Variants in CD1A observed in about 807,000 individuals in gnomAD.
The protein encoded by CD1A is T-cell surface glycoprotein CD1a.
CD1A carries 50 observed loss-of-function variants against 38.3 expected under a neutral mutation model. The observed-to-expected ratio is 1.30, with a 90% CI of 1.04 to 1.65. The LOEUF (loss-of-function observed/expected upper bound fraction) is 1.65. Among genes scored for constraint, CD1A ranks in the 40% most tolerant of loss-of-function variants. The probability of loss-of-function intolerance (pLI) is 0.00; values close to 1 mark genes in which losing one functional copy is unlikely to be tolerated. For synonymous variants in CD1A, 160 were observed against 150.8 expected, an observed-to-expected ratio of 1.06 and a Z score of -0.45; for missense variants, 459 against 406.1, an observed-to-expected ratio of 1.13 and a Z score of -1.12.
chr1:158,252,271 G>A (rs1023704658), upstream of CD1A, among the ~76,000 whole-genome samples: 11 of 152,020 alleles, frequency 7.2e-5, no homozygotes, highest in Admixed American at 5.9e-4. Context: ...TGACCCTAAT[G>A]TTTCAGAAGA....
At chr1:158,249,753 G>C (rs1389777738), upstream of CD1A, among the ~76,000 whole-genome samples, 1 of 152,102 alleles carries the variant, frequency 6.6e-6, no homozygotes, top group Non-Finnish European at 1.5e-5. Context: ...TGTACCCCTT[G>C]GGCACAGGGA....
At position 158,256,800 on chromosome 1, in the gene CD1A, T is replaced by C. The variant is rs1017322289; in HGVS notation, c.619T>C (p.Trp207Arg). 1.2e-6 allele frequency: 2 copies of C among 1,614,112 alleles called. No homozygotes were observed. The highest frequency in any genetic ancestry group is 1.7e-6 in the Non-Finnish European group (2 of 1,179,950). ...HLQRQVKPEA[W>R]LSHGPSPGPG... ...GTCCTTTGCAGTGAAGCCCGAGGCC[T>C]GGCTGTCCCATGGCCCCAGTCCTGG... Residue 207 changes from tryptophan (W) to arginine (R), a missense_variant, in exon 4 of 6, where the codon TGG becomes CGG. Physicochemically the swap from Trp to Arg is moderately radical, Grantham distance 101. Coordinates refer to ENST00000289429, the MANE Select transcript of CD1A (RefSeq NM_001763.3).
At position 158,254,741 on chromosome 1, in the gene CD1A, C is replaced by T. The variant is rs766582031; in HGVS notation, c.58+14C>T. On this transcript the variant is annotated intron_variant, in intron 1 of 5. Coordinates refer to ENST00000289429, the MANE Select transcript of CD1A (RefSeq NM_001763.3). Reference sequence around the variant, plus strand: ...GCAATGCAGACGGTAAGAACTCTGACAACTGCCCAGTTGGGTGGTGGGTGA... The same window carrying T: ...GCAATGCAGACGGTAAGAACTCTGATAACTGCCCAGTTGGGTGGTGGGTGA... The T allele has an allele frequency of 1.3e-6, 2 of 1,581,448 alleles. No individual in the cohort carries two copies. Among genetic ancestry groups the T allele is most frequent in the Non-Finnish European group, 1.7e-6 (2 of 1,150,530 alleles).
At chr1:158,248,732 C>A in the CD1A span, among the ~76,000 whole-genome samples, 1 of 152,104 alleles carries the variant, frequency 6.6e-6, no homozygotes, top group Admixed American at 6.5e-5. Context: ...CCCTAGCATT[C>A]TGCTCTTTCT....
chr1:158,255,193 C>G lies in CD1A; in HGVS notation c.168C>G (p.Thr56=). 6.2e-7 allele frequency: 1 copy of G among 1,614,112 alleles called. No homozygotes were observed. Among genetic ancestry groups the G allele is most frequent in the Non-Finnish European group, 8.5e-7 (1 of 1,180,024 alleles). The stretch of plus-strand genomic sequence containing the variant: ...GGCTGAGTGATTTGCAGACTCATAC[C>G]TGGGACAGCAATTCCAGCACCATCG... The part of the protein sequence containing the change: ...SGWLSDLQTH[T]WDSNSSTIVF... The change falls in exon 2 of 6, where the codon ACC becomes ACG. Residue 56 remains threonine (T), a synonymous_variant. Coordinates refer to ENST00000289429, the MANE Select transcript of CD1A (RefSeq NM_001763.3).
intron 1 of CD1A, 22 bp downstream of exon 1, chr1:158,254,749 C>A: frequency 6.5e-7 from 1 of 1,541,610 alleles, no homozygotes; most frequent in South Asian, 1.1e-5. Flanking sequence ...GACAACTGCC[C>A]AGTTGGGTGG....
upstream of CD1A, among the ~76,000 whole-genome samples, chr1:158,251,427 GT>G (rs1650085582): frequency 6.6e-6 from 1 of 152,180 alleles, no homozygotes; most frequent in African/African-American, 2.4e-5. Context: ...TAGTCTTCAA[GT>G]TCCTCTACAT....
Position 158,255,172 on chromosome 1 carries a change from G to A in CD1A, c.147G>A (p.Leu49=). ...SWKQNLVSGW[L]SDLQTHTWDS... ...AACAAAATCTGGTCTCAGGTTGGCT[G>A]AGTGATTTGCAGACTCATACCTGGG... The change falls in exon 2 of 6, where the codon CTG becomes CTA. Residue 49 remains leucine (L), a synonymous_variant. Transcript: ENST00000289429. The A allele has an allele frequency of 5.0e-6, 8 of 1,614,168 alleles. No individual in the cohort carries two copies. The highest frequency in any genetic ancestry group is 6.8e-6 in the Non-Finnish European group (8 of 1,180,036).
At chr1:158,256,765 T>A in intron 3 of CD1A, 21 bp from the exon 4 acceptor site, 1 of 1,606,924 alleles carries the variant, frequency 6.2e-7, no homozygotes, top group Non-Finnish European at 8.5e-7. Context: ...TGTATTTGAA[T>A]ATCTTTTCTG....
chr1:158,248,891 A>T, the CD1A span, among the ~76,000 whole-genome samples: 1 of 152,126 alleles, frequency 6.6e-6, no homozygotes, highest in Non-Finnish European at 1.5e-5. Flanking sequence ...GCAGACCCAC[A>T]GTAGGACTAC....
chr1:158,252,188 C>T (rs1292480232), upstream of CD1A, among the ~76,000 whole-genome samples: 1 of 151,388 alleles, frequency 6.6e-6, no homozygotes, highest in African/African-American at 2.4e-5. Flanking sequence ...GGACTTACTA[C>T]CCTTCCCATG....
upstream of CD1A, chr1:158,254,196 T>G: frequency 1.0e-6 from 1 of 999,746 alleles, no homozygotes; most frequent in African/African-American, 1.7e-5. Context: ...GAAATGTGAA[T>G]GTAGTAAGGG....
Position 158,256,954 on chromosome 1 carries a change from G to T in CD1A, c.773G>T (p.Gly258Val). The change falls in exon 4 of 6, where the codon GGG becomes GTG. Residue 258 changes from glycine (G) to valine (V), a missense_variant. Physicochemically the swap from Gly to Val is moderately radical, Grantham distance 109. Coordinates refer to ENST00000289429, the MANE Select transcript of CD1A (RefSeq NM_001763.3). ...QRGDILPSAD[G>V]TWYLRATLEV... ...GGGGACATCTTGCCCAGTGCTGATGGGACATGGTATCTCCGCGCAACCCTG... is the reference window on the plus strand; with the variant it reads ...GGGGACATCTTGCCCAGTGCTGATGTGACATGGTATCTCCGCGCAACCCTG... 2 of 1,614,152 alleles carry T rather than the reference G, an allele frequency of 1.2e-6. No individual in the cohort carries two copies. The highest frequency in any genetic ancestry group is 1.7e-6 in the Non-Finnish European group (2 of 1,180,036).
chr1:158,256,725 A>C, intron 3 of CD1A, 61 bp from the exon 4 acceptor site: 1 of 1,557,100 alleles, frequency 6.4e-7, no homozygotes, highest in Non-Finnish European at 8.7e-7. Context: ...TAAACTTCTA[A>C]ACTGTTGTGG....
At chr1:158,256,570 T>G (rs796107186) in intron 3 of CD1A, among the ~76,000 whole-genome samples, 4 of 152,106 alleles carry the variant, frequency 2.6e-5, no homozygotes, top group African/African-American at 9.6e-5. Context: ...CTTAAGAGGC[T>G]GAGGCAGGAG....
chr1:158,254,604 GGTTT>G lies in CD1A; in HGVS notation c.-60_-57del. Reference sequence around the variant, plus strand: ...GTCAGAATAGAGATATCGTGGGGTAGGTTTGTTTGGAACAGAAATCAAAGACCAA... The same window carrying G: ...GTCAGAATAGAGATATCGTGGGGTAGGTTTGGAACAGAAATCAAAGACCAA... On this transcript the variant is annotated 5_prime_UTR_variant, in exon 1 of 6. Transcript: ENST00000289429. 7 of 1,612,254 alleles carry G rather than the reference GGTTT, an allele frequency of 4.3e-6. No individual in the cohort carries two copies. In the East Asian group the frequency reaches 1.3e-4, roughly 31 times the overall value.
chr1:158,254,547 A>T lies in CD1A; in HGVS notation c.-123A>T, dbSNP rs1323178239. ...GGAGTGGATTTTCTTTGTTGCAGTC[A>T]GGGGAGGTTTGTCTGTTGGCTGCAG... is the stretch of plus-strand genomic sequence containing the variant. On this transcript the variant is annotated 5_prime_UTR_variant, in exon 1 of 6. Coordinates refer to ENST00000289429, the MANE Select transcript of CD1A (RefSeq NM_001763.3). 3.9e-6 allele frequency: 6 copies of T among 1,556,678 alleles called. No homozygotes were observed. The highest frequency in any genetic ancestry group is 1.2e-5 in the South Asian group (1 of 83,312).
chr1:158,257,766 C>T lies in CD1A; in HGVS notation c.*76C>T. ...AGCAGCCCAAGGGCTCCAGACACAC[C>T]TGAACACATCGTGATGATGACGTCC... On this transcript the variant is annotated 3_prime_UTR_variant, in exon 6 of 6. Transcript: ENST00000289429. 1 of 1,262,628 alleles carries T rather than the reference C, an allele frequency of 7.9e-7. No homozygotes were observed. Among genetic ancestry groups the T allele is most frequent in the South Asian group, 1.2e-5 (1 of 81,492 alleles). The allele number at this position is 1,262,628 out of a possible 1,614,324, so 78.2% of individuals were successfully genotyped here. A position where few individuals can be genotyped will look rare whatever the true frequency, so the allele number is the denominator to read the frequency against.
upstream of CD1A, among the ~76,000 whole-genome samples, chr1:158,250,519 T>C (rs1650059225): frequency 6.6e-6 from 1 of 152,190 alleles, no homozygotes; most frequent in South Asian, 2.1e-4. Context: ...ACTTTGTCTC[T>C]TTACAACCTT....
Sources: allele counts gnomAD v4.1 joint callset (sites outside exome capture counted in the v4.1 genomes callset), GRCh38; gene constraint gnomAD v4.1.1; transcripts MANE v1.5; gene names NCBI Gene and HGNC (gene_info 2026-07-23, HGNC 2026-07-21).